The following TMCC1 variants were observed in gnomAD, a reference collection of about 807,000 sequenced individuals.
The protein encoded by TMCC1 is transmembrane and coiled-coil domain family 1.
In TMCC1, 15 loss-of-function variants were observed where a neutral mutation model predicts 52.4. The ratio of observed to expected loss-of-function variants is 0.29; its 90% confidence interval spans 0.19 to 0.44. The LOEUF (loss-of-function observed/expected upper bound fraction) is 0.44. Among genes scored for constraint, TMCC1 ranks in the 20% least tolerant of loss-of-function variants. The pLI, the probability that TMCC1 is intolerant of heterozygous loss-of-function variation, is 1.00. For missense variants in TMCC1, 503 were observed against 806.0 expected (o/e 0.62, Z 4.55); for synonymous variants, 279 against 301.9 (o/e 0.92, Z 0.79).
At chr3:129,775,228 T>C (rs1469882415) in intron 4 of TMCC1, among the ~76,000 whole-genome samples, 1 of 152,114 alleles carries the variant, frequency 6.6e-6, no homozygotes, top group Non-Finnish European at 1.5e-5. Context: ...GAGGATCACT[T>C]GAGCCCGCAA....
intron 4 of TMCC1, among the ~76,000 whole-genome samples, chr3:129,683,695 T>C (rs991328532): frequency 1.3e-5 from 2 of 152,150 alleles, no homozygotes; most frequent in African/African-American, 2.4e-5. Flanking sequence ...ATAGTGAACA[T>C]TGTGCCCAAT....
rs577620260 is a variant in TMCC1 at position 129,674,504 on chromosome 3, G to T, written c.577-3240C>A. ...GGAGGGAGAAAATGGGAAATAAGGG[G>T]AGGGGAAGAGAGGAGAATGATGGAG... On this transcript the variant is annotated intron_variant, in intron 4 of 6. Coordinates refer to ENST00000393238, the MANE Select transcript of TMCC1 (RefSeq NM_001017395.5). 7.2e-5 allele frequency among the ~76,000 whole-genome samples: 11 copies of T among 152,268 alleles called. No individual in the cohort carries two copies. In the South Asian group the frequency reaches 1.9e-3, roughly 26 times the overall value.
rs577963563 is a variant in TMCC1 at position 129,804,574 on chromosome 3, A to G, written c.576+23229T>C. On this transcript the variant is annotated intron_variant, in intron 4 of 6. Transcript: ENST00000393238. ...AAACACATAGGAAAATTATACACAG[A>G]GTAAACTAAATTAAGTAATACTATT... Among the ~76,000 whole-genome samples the G allele has an allele frequency of 2.0e-5, 3 of 152,358 alleles. No homozygotes were observed. The South Asian group carries it at 6.2e-4, about 32-fold the overall frequency.
chr3:129,686,501 A>G (rs2089419113), intron 4 of TMCC1, among the ~76,000 whole-genome samples: 1 of 152,072 alleles, frequency 6.6e-6, no homozygotes, highest in Admixed American at 6.6e-5. Context: ...TTTTCTCACC[A>G]TAGTGCATTT....
At chr3:129,806,336 C>T (rs2057463669) in intron 4 of TMCC1, among the ~76,000 whole-genome samples, 1 of 152,204 alleles carries the variant, frequency 6.6e-6, no homozygotes, top group African/African-American at 2.4e-5. Context: ...GATCATCATT[C>T]TGAGGACAGA....
chr3:129,794,270 T>C (rs1386833966), intron 4 of TMCC1: 2 of 456,074 alleles, frequency 4.4e-6, no homozygotes, highest in East Asian at 6.9e-5. Flanking sequence ...AAAGGAACCA[T>C]GCTGAAGCAA....
At chr3:129,770,226 A>C (rs2054446994) in intron 4 of TMCC1, among the ~76,000 whole-genome samples, 1 of 152,262 alleles carries the variant, frequency 6.6e-6, no homozygotes, top group South Asian at 2.1e-4. Context: ...ATTAAGAAAA[A>C]ATGTTTCAGC....
chr3:129,675,910 G>A (rs2088391988), intron 4 of TMCC1, among the ~76,000 whole-genome samples: 2 of 151,892 alleles, frequency 1.3e-5, no homozygotes, highest in African/African-American at 2.4e-5. Flanking sequence ...GGTGGCGGGT[G>A]CCTGTAGTCC....
chr3:129,655,672 A>G (rs2086622496), intron 5 of TMCC1, among the ~76,000 whole-genome samples: 1 of 152,240 alleles, frequency 6.6e-6, no homozygotes, highest in African/African-American at 2.4e-5. Flanking sequence ...TGTACCAGGC[A>G]TGTTCAAAGT....
intron 4 of TMCC1, among the ~76,000 whole-genome samples, chr3:129,794,680 T>C (rs1224496629): frequency 6.6e-6 from 1 of 151,864 alleles, no homozygotes; most frequent in Non-Finnish European, 1.5e-5. Context: ...ACCAGACCAG[T>C]AGGCGAGGAT....
intron 4 of TMCC1, among the ~76,000 whole-genome samples, chr3:129,699,090 C>T (rs1263332450): frequency 1.3e-5 from 2 of 152,232 alleles, no homozygotes; most frequent in East Asian, 1.9e-4. Context: ...CCAGGCACAA[C>T]GGCTCATGTC....
intron 2 of TMCC1, among the ~76,000 whole-genome samples, chr3:129,871,365 C>CAAAAAAAAAAAAAAAAAAAAAAAAAAAA (rs908333351): frequency 2.0e-5 from 1 of 49,828 alleles, no homozygotes. Context: ...GACGCTGTCT[C>CAAAAAAAAAAAAAAAAAAAAAAAAAAAA]AAAAAAAAAA....
chr3:129,873,785 T>C (rs1266407929), intron 2 of TMCC1, among the ~76,000 whole-genome samples: 2 of 152,258 alleles, frequency 1.3e-5, no homozygotes, highest in Middle Eastern at 3.4e-3. Flanking sequence ...GAACCAGAAG[T>C]GTTTTAGATT....
chr3:129,744,811 T>C (rs565669345), intron 4 of TMCC1, among the ~76,000 whole-genome samples: 56 of 152,302 alleles, frequency 3.7e-4, no homozygotes, highest in African/African-American at 1.3e-3. Context: ...GATGAGAAAC[T>C]TACTCAAGGT....
intron 2 of TMCC1, among the ~76,000 whole-genome samples, chr3:129,839,691 C>A (rs1171836261): frequency 6.6e-6 from 1 of 152,128 alleles, no homozygotes; most frequent in Non-Finnish European, 1.5e-5. Flanking sequence ...TTGAGACCAG[C>A]CTGGGCAACA....
intron 4 of TMCC1, among the ~76,000 whole-genome samples, chr3:129,772,842 TACC>T (rs1370342234): frequency 6.6e-6 from 1 of 151,480 alleles, no homozygotes; most frequent in Non-Finnish European, 1.5e-5. Flanking sequence ...TACACTGAGA[TACC>T]ACTTCTCACC....
intron 4 of TMCC1, chr3:129,688,280 C>G: frequency 1.0e-6 from 1 of 985,176 alleles, no homozygotes; most frequent in Non-Finnish European, 1.2e-6. Context: ...AAAAAAATCA[C>G]AACCTCTCTT....
chr3:129,827,702 G>A (rs753980418), intron 4 of TMCC1, 101 bp downstream of exon 4: 31 of 1,387,884 alleles, frequency 2.2e-5, no homozygotes, highest in Non-Finnish European at 3.0e-5. Context: ...CAACTTTAAG[G>A]TATTTGCTGA....
At chr3:129,869,303 C>A (rs1432226764) in intron 2 of TMCC1, among the ~76,000 whole-genome samples, 1 of 152,104 alleles carries the variant, frequency 6.6e-6, no homozygotes, top group Non-Finnish European at 1.5e-5. Context: ...TCACACCCCT[C>A]CCCCATAGCT....
Sources: allele counts gnomAD v4.1 joint callset (sites outside exome capture counted in the v4.1 genomes callset), GRCh38; gene constraint gnomAD v4.1.1; transcripts MANE v1.5; gene names NCBI Gene and HGNC (gene_info 2026-07-23, HGNC 2026-07-21).